The following RAD52 variants were observed in gnomAD, a reference collection of about 807,000 sequenced individuals.
The protein encoded by RAD52 is RAD52 DNA repair protein, also known as DNA repair protein RAD52 homolog.
RAD52 carries 47 observed loss-of-function variants against 55.5 expected under a neutral mutation model. The ratio of observed to expected loss-of-function variants is 0.85; its 90% confidence interval spans 0.67 to 1.08. The LOEUF is 1.08. Among genes scored for constraint, RAD52 ranks in the 50% least tolerant of loss-of-function variants. The pLI is 0.00. For missense variants in RAD52, 468 were observed against 522.8 expected (o/e 0.90, Z 1.02); for synonymous variants, 184 against 198.9 (o/e 0.92, Z 0.63).
intron 7 of RAD52, 120 bp from the exon 8 acceptor site, chr12:916,940 T>C: frequency 7.4e-7 from 1 of 1,355,672 alleles, no homozygotes; most frequent in Non-Finnish European, 9.9e-7. Flanking sequence ...CCATCACGCC[T>C]TCTAGGTCCT....
At position 944,902 on chromosome 12, in the gene RAD52, C is replaced by A. The variant is rs938830811; in HGVS notation, c.-19+4700G>T. Among the ~76,000 whole-genome samples, 3 of 151,738 alleles carry A rather than the reference C, an allele frequency of 2.0e-5. No individual in the cohort carries two copies. In the South Asian group the frequency reaches 6.2e-4, roughly 32 times the overall value. On this transcript the variant is annotated intron_variant, in intron 1 of 11. Transcript: ENST00000358495. ...GCATGTCAGGTGGACTCTGGATATACAGATCAAGAGGGAGATGTGACAAGG... is the reference window on the plus strand; with the variant it reads ...GCATGTCAGGTGGACTCTGGATATAAAGATCAAGAGGGAGATGTGACAAGG...
At chr12:970,035 G>A (rs897604533) in intron 1 of RAD52, among the ~76,000 whole-genome samples, 17 of 149,364 alleles carry the variant, frequency 1.1e-4, no homozygotes, top group Non-Finnish European at 4.4e-5. Context: ...AGGGCTGGGC[G>A]CGGTGACTCA....
intron 1 of RAD52, among the ~76,000 whole-genome samples, chr12:948,146 A>G (rs1958359758): frequency 6.6e-6 from 1 of 152,088 alleles, no homozygotes; most frequent in Non-Finnish European, 1.5e-5. Context: ...TGAAGTTGAT[A>G]CATGCTACAT....
chr12:964,688 C>T (rs1406051360), intron 1 of RAD52, among the ~76,000 whole-genome samples: 1 of 152,060 alleles, frequency 6.6e-6, no homozygotes, highest in Non-Finnish European at 1.5e-5. Flanking sequence ...AAGAGATCCT[C>T]TCACCTCAGC....
intron 1 of RAD52, among the ~76,000 whole-genome samples, chr12:959,431 C>T (rs1009467771): frequency 1.3e-5 from 2 of 152,160 alleles, no homozygotes; most frequent in Non-Finnish European, 2.9e-5. Context: ...TATACTGTCA[C>T]GGAGCTTACA....
At position 912,145 on chromosome 12, in the gene RAD52, G is replaced by C. The variant is rs1956124769; in HGVS notation, c.*1246C>G. The stretch of plus-strand genomic sequence containing the variant: ...GGTTACATCTCACACCTGAAATGGG[G>C]AAGTAGAAACAGTTGCGTTTGAGCA... On this transcript the variant is annotated 3_prime_UTR_variant, in exon 12 of 12. Coordinates refer to ENST00000358495, the MANE Select transcript of RAD52 (RefSeq NM_134424.4). 5.0e-6 allele frequency: 1 copy of C among 198,608 alleles called. No homozygotes were observed. The highest frequency in any genetic ancestry group is 6.0e-5 in the Admixed American group (1 of 16,572). The allele number at this position is 198,608 out of a possible 1,614,324, so 12.3% of individuals were successfully genotyped here.
At chr12:963,205 A>C (rs1958711595) in intron 1 of RAD52, among the ~76,000 whole-genome samples, 1 of 152,180 alleles carries the variant, frequency 6.6e-6, no homozygotes, top group Non-Finnish European at 1.5e-5. Flanking sequence ...TTTTGCATAG[A>C]GTGTTCTATA....
chr12:925,763 G>T (rs190243464), intron 6 of RAD52, among the ~76,000 whole-genome samples: 63 of 152,234 alleles, frequency 4.1e-4, no homozygotes, highest in African/African-American at 1.5e-3. Flanking sequence ...GAGAAGATGA[G>T]TATGAAAAGA....
chr12:973,917 C>T lies in RAD52; in HGVS notation c.-19+15892G>A, dbSNP rs141846135. ...CCTCAGCCTCAGCTTCTCGAGTAAC[C>T]GGGGACCACAGGCACGTACCACCAC... is the stretch of plus-strand genomic sequence containing the variant. On this transcript the variant is annotated intron_variant, in intron 1 of 11. Transcript: ENST00000430095. Among the ~76,000 whole-genome samples the T allele has an allele frequency of 9.9e-5, 15 of 151,720 alleles. No homozygotes were observed. The East Asian group carries it at 1.7e-3, about 18-fold the overall frequency.
chr12:932,637 A>C (rs1237646348), intron 2 of RAD52, among the ~76,000 whole-genome samples: 1 of 152,160 alleles, frequency 6.6e-6, no homozygotes, highest in Non-Finnish European at 1.5e-5. Flanking sequence ...TCTAAATCTA[A>C]TCCCCAGTAC....
At chr12:934,496 T>G (rs1032789235) in intron 1 of RAD52, among the ~76,000 whole-genome samples, 6 of 149,794 alleles carry the variant, frequency 4.0e-5, no homozygotes, top group Non-Finnish European at 8.9e-5. Context: ...CTTTAGGCTC[T>G]GAAAACAAAT....
At chr12:955,413 C>T (rs1225076095) in intron 1 of RAD52, among the ~76,000 whole-genome samples, 1 of 152,054 alleles carries the variant, frequency 6.6e-6, no homozygotes, top group African/African-American at 2.4e-5. Context: ...GCCATGACCC[C>T]AACCCATTAT....
chr12:935,380 CTT>C (rs34383735), intron 1 of RAD52, among the ~76,000 whole-genome samples: 433 of 128,436 alleles, frequency 3.4e-3, no homozygotes, highest in Non-Finnish European at 4.0e-3. Context: ...ACCTGTGAAT[CTT>C]TTTTTTTTTT....
chr12:979,841 A>G (rs972339299), intron 1 of RAD52, among the ~76,000 whole-genome samples: 3 of 152,070 alleles, frequency 2.0e-5, no homozygotes, highest in South Asian at 2.1e-4. Context: ...AGGTCAGCAG[A>G]TCGAGACCAT....
chr12:951,341 G>A (rs1958523056), upstream of RAD52, among the ~76,000 whole-genome samples: 1 of 152,130 alleles, frequency 6.6e-6, no homozygotes, highest in Admixed American at 6.6e-5. Context: ...ACAACTCCTG[G>A]CCTCAAGCAA....
chr12:914,139 A>G lies in RAD52; in HGVS notation c.968-18T>C, dbSNP rs767650425. 1.3e-6 allele frequency: 2 copies of G among 1,596,712 alleles called. No homozygotes were observed. The highest frequency in any genetic ancestry group is 1.7e-5 in the Admixed American group (1 of 59,752). ...AAGAGTCTCTACAGAGGTCAAGGAAAAGTGCGTCATCAGCAAATAATGAAG... is the reference window on the plus strand; with the variant it reads ...AAGAGTCTCTACAGAGGTCAAGGAAGAGTGCGTCATCAGCAAATAATGAAG... On this transcript the variant is annotated intron_variant, in intron 10 of 11. Transcript: ENST00000358495.
chr12:969,134 G>A (rs1958807707), intron 1 of RAD52, among the ~76,000 whole-genome samples: 1 of 152,014 alleles, frequency 6.6e-6, no homozygotes, highest in South Asian at 2.1e-4. Flanking sequence ...GTGATTTAAA[G>A]TATACAGGAG....
intron 1 of RAD52, among the ~76,000 whole-genome samples, chr12:962,022 GATCTTAGAC>G (rs1174508040): frequency 6.6e-6 from 1 of 152,154 alleles, no homozygotes; most frequent in African/African-American, 2.4e-5. Context: ...CTGACACCTT[GATCTTAGAC>G]TCTAGCCTTT....
intron 7 of RAD52, among the ~76,000 whole-genome samples, chr12:920,300 T>C (rs1183932729): frequency 8.5e-6 from 1 of 117,030 alleles, no homozygotes; most frequent in Non-Finnish European, 1.8e-5. Flanking sequence ...CTCACACCTA[T>C]AATCCCAGCA....
Sources: allele counts gnomAD v4.1 joint callset (sites outside exome capture counted in the v4.1 genomes callset), GRCh38; gene constraint gnomAD v4.1.1; transcripts MANE v1.5; gene names NCBI Gene and HGNC (gene_info 2026-07-23, HGNC 2026-07-21).